The following SNX30 variants were observed in gnomAD, a reference collection of about 807,000 sequenced individuals.
SNX30 encodes sorting nexin family member 30.
SNX30 carries 24 observed loss-of-function variants against 46.4 expected under a neutral mutation model. The observed-to-expected ratio is 0.52, with a 90% CI of 0.37 to 0.73. SNX30 has a LOEUF of 0.73. Ranked by LOEUF, SNX30 falls within the 30% of genes least tolerant of loss-of-function variation. SNX30 has a pLI of 0.00. For missense variants in SNX30, 533 were observed against 555.7 expected, an observed-to-expected ratio of 0.96 and a Z score of 0.41; for synonymous variants, 189 against 211.5, an observed-to-expected ratio of 0.89 and a Z score of 0.92.
intron 2 of SNX30, among the ~76,000 whole-genome samples, chr9:112,809,877 TTGGAC>T (rs988886233): frequency 2.6e-5 from 4 of 151,888 alleles, no homozygotes; most frequent in African/African-American, 4.8e-5. Flanking sequence ...GCTTTTTTTT[TTGGAC>T]TGCTGCTGTT....
intron 7 of SNX30, among the ~76,000 whole-genome samples, chr9:112,856,382 G>A (rs566218882): frequency 1.5e-4 from 23 of 150,632 alleles, no homozygotes; most frequent in African/African-American, 4.9e-4. Context: ...TGTAGGGAGG[G>A]CGTGTGGCGT....
At chr9:112,763,042 G>A (rs1839469576) in intron 1 of SNX30, among the ~76,000 whole-genome samples, 1 of 152,180 alleles carries the variant, frequency 6.6e-6, no homozygotes, top group Non-Finnish European at 1.5e-5. Context: ...AGTGGCCAGG[G>A]GAAGCGGTCA....
chr9:112,751,262 C>T (rs952613993), intron 1 of SNX30, 105 bp downstream of exon 1: 1 of 1,248,782 alleles, frequency 8.0e-7, no homozygotes, highest in Non-Finnish European at 1.0e-6. Context: ...ACCCTGCCGC[C>T]CCTTCCCGGG....
Position 112,862,828 on chromosome 9 carries a change from C to T in SNX30, c.1102-1419C>T, listed in dbSNP as rs572400552. Among the ~76,000 whole-genome samples, 11 of 152,080 alleles carry T rather than the reference C, an allele frequency of 7.2e-5. 1 individual carries two copies. The South Asian group carries it at 2.1e-3, about 29-fold the overall frequency. ...TCTTCTGCCTTGGCCTCCCAAAGTG[C>T]TGGGAGGCATGAACCACTGCACTCA... On this transcript the variant is annotated intron_variant, in intron 7 of 8. Transcript: ENST00000374232.
intron 2 of SNX30, among the ~76,000 whole-genome samples, chr9:112,809,796 A>C (rs1427798185): frequency 6.6e-6 from 1 of 152,056 alleles, no homozygotes; most frequent in East Asian, 1.9e-4. Flanking sequence ...GAAGAGTGTT[A>C]GAATTCTGGC....
intron 4 of SNX30, among the ~76,000 whole-genome samples, chr9:112,832,375 G>A (rs1431532144): frequency 6.6e-6 from 1 of 151,322 alleles, no homozygotes; most frequent in East Asian, 1.9e-4. Flanking sequence ...AAAGAAAAGG[G>A]AGGGAAAAGC....
At chr9:112,885,762 A>AC (rs1443967394), downstream of SNX30, 1 of 152,134 alleles carries the variant, frequency 6.6e-6, no homozygotes, top group African/African-American at 2.4e-5. Context: ...AATTAATTTC[A>AC]CCTGTCACTT....
chr9:112,864,122 AG>A (rs1326583876), intron 7 of SNX30, 124 bp from the exon 8 acceptor site: 2 of 1,000,392 alleles, frequency 2.0e-6, no homozygotes, highest in African/African-American at 3.2e-5. Context: ...CCTCCAGAGG[AG>A]GGAGCGTGTT....
At chr9:112,834,266 C>A (rs1035409805) in intron 4 of SNX30, among the ~76,000 whole-genome samples, 1 of 152,088 alleles carries the variant, frequency 6.6e-6, no homozygotes, top group African/African-American at 2.4e-5. Context: ...AGCATCAGAT[C>A]CCACAGGTTG....
intron 8 of SNX30, among the ~76,000 whole-genome samples, chr9:112,865,661 A>ATATATATATATATATATGTGTG: frequency 6.6e-5 from 7 of 105,684 alleles, no homozygotes; most frequent in African/African-American, 2.3e-4. Flanking sequence ...ATATATATAT[A>ATATATATATATATATATGTGTG]TGTATGTATG....
chr9:112,763,360 CTTTTTTTTTTTTTTTT>C (rs751720343), intron 1 of SNX30, among the ~76,000 whole-genome samples: 6 of 47,566 alleles, frequency 1.3e-4, no homozygotes, highest in Non-Finnish European at 1.7e-4. Context: ...GCTATTTAAA[CTTTTTTTTTTTTTTTT>C]TTTTTTTTTT....
chr9:112,865,679 A>G (rs757122743), intron 8 of SNX30, among the ~76,000 whole-genome samples: 1 of 128,940 alleles, frequency 7.8e-6, no homozygotes, highest in Non-Finnish European at 1.7e-5. Context: ...ATGTATGCAC[A>G]CACACACACA....
At chr9:112,759,968 G>A (rs1244862719) in intron 1 of SNX30, among the ~76,000 whole-genome samples, 1 of 152,148 alleles carries the variant, frequency 6.6e-6, no homozygotes, top group Non-Finnish European at 1.5e-5. Context: ...GGTGTTGGTG[G>A]TTGTTATTCC....
chr9:112,855,148 C>T (rs1012858103), intron 7 of SNX30, among the ~76,000 whole-genome samples: 5 of 152,184 alleles, frequency 3.3e-5, no homozygotes, highest in Non-Finnish European at 7.3e-5. Context: ...AAATGAGCAA[C>T]TTAAGGTTTT....
intron 1 of SNX30, among the ~76,000 whole-genome samples, chr9:112,778,900 G>C (rs574823803): frequency 7.2e-5 from 11 of 152,056 alleles, no homozygotes; most frequent in Non-Finnish European, 1.5e-4. Flanking sequence ...TTGGGGGGGG[G>C]GGATTTGCAC....
At chr9:112,860,635 A>C (rs1007475293) in intron 7 of SNX30, among the ~76,000 whole-genome samples, 1 of 152,216 alleles carries the variant, frequency 6.6e-6, no homozygotes, top group Admixed American at 6.5e-5. Flanking sequence ...CAGGATGCCC[A>C]GTGCAATCTC....
intron 1 of SNX30, among the ~76,000 whole-genome samples, chr9:112,782,756 T>G (rs989125268): frequency 6.6e-5 from 10 of 152,248 alleles, no homozygotes; most frequent in Non-Finnish European, 1.5e-4. Context: ...AAGAGAGATG[T>G]TACTCAAGAG....
Position 112,786,275 on chromosome 9 carries a change from G to A in SNX30, c.157-18501G>A, listed in dbSNP as rs184108340. 1.6e-3 allele frequency among the ~76,000 whole-genome samples: 240 copies of A among 152,032 alleles called. 1 individual carries two copies. Among genetic ancestry groups the A allele is most frequent in the African/African-American group, 5.5e-3 (229 of 41,446 alleles). On this transcript the variant is annotated intron_variant, in intron 1 of 8. Transcript: ENST00000374232. The stretch of plus-strand genomic sequence containing the variant: ...TGGGACTATAGCCGTGCACCATCAC[G>A]CTCTGCTAATCTTTTGTATTTTTTT...
intron 1 of SNX30, among the ~76,000 whole-genome samples, chr9:112,785,565 G>A (rs1302909085): frequency 6.6e-6 from 1 of 151,972 alleles, no homozygotes; most frequent in African/African-American, 2.4e-5. Context: ...TGTATTTTTT[G>A]TAGAGATGGG....
Sources: gnomAD v4.1 joint callset for allele counts (sites outside exome capture counted in the v4.1 genomes callset) on GRCh38, gnomAD v4.1.1 for gene constraint, MANE v1.5 for transcripts, NCBI Gene and HGNC (gene_info 2026-07-23, HGNC 2026-07-21) for gene names.